Variants in XXYLT1 observed in about 807,000 individuals in gnomAD.
XXYLT1 encodes UDP-xylose:alpha-xyloside alpha-1,3-xylosyltransferase.
In XXYLT1, 20 loss-of-function variants were observed where a neutral mutation model predicts 28.9. That is an observed-to-expected ratio of 0.69 (90% confidence interval 0.49 to 1.00). XXYLT1 has a LOEUF of 1.00. Ranked by LOEUF, XXYLT1 falls within the 50% of genes least tolerant of loss-of-function variation. The probability of loss-of-function intolerance (pLI) is 0.00; values close to 1 mark genes in which losing one functional copy is unlikely to be tolerated. For synonymous variants in XXYLT1, 257 were observed against 253.8 expected (o/e 1.01, Z -0.12); for missense variants, 542 against 560.1 (o/e 0.97, Z 0.33).
intron 3 of XXYLT1, among the ~76,000 whole-genome samples, chr3:195,081,398 C>T (rs563337498): frequency 8.6e-4 from 131 of 152,332 alleles, no homozygotes; most frequent in African/African-American, 3.0e-3. Context: ...CGGGGACAGG[C>T]TTCCTGGAAG....
At chr3:195,110,194 G>GT in intron 3 of XXYLT1, among the ~76,000 whole-genome samples, 1 of 63,054 alleles carries the variant, frequency 1.6e-5, no homozygotes, top group Non-Finnish European at 4.0e-5. Flanking sequence ...GTGTGGGTGA[G>GT]GTGTATGTGT....
chr3:195,144,135 C>T (rs1387272050), intron 3 of XXYLT1, among the ~76,000 whole-genome samples: 3 of 149,928 alleles, frequency 2.0e-5, no homozygotes, highest in Admixed American at 6.7e-5. Flanking sequence ...CTTAAGTGAT[C>T]CACCTGCCTG....
chr3:195,074,085 A>AT (rs75662381), intron 3 of XXYLT1, among the ~76,000 whole-genome samples: 3,642 of 151,888 alleles, frequency 0.024, 131 homozygotes, highest in African/African-American at 0.083. Flanking sequence ...ACTCTTCGTG[A>AT]TTTTTTTTCT....
intron 3 of XXYLT1, chr3:195,087,312 T>C (rs1560086993): frequency 6.6e-6 from 1 of 152,334 alleles, no homozygotes; most frequent in Non-Finnish European, 1.5e-5. Context: ...ATGTGCTCCC[T>C]GGCTCCTCCT....
chr3:195,094,206 AAGAAAGCAAGCACCCG>A (rs1160395842), intron 3 of XXYLT1: 1 of 152,928 alleles, frequency 6.5e-6, no homozygotes, highest in Non-Finnish European at 1.5e-5. Flanking sequence ...CAAAGGAGAA[AAGAAAGCAAGCACCCG>A]ACACAGCCCA....
intron 3 of XXYLT1, among the ~76,000 whole-genome samples, chr3:195,107,076 C>G (rs1451164191): frequency 6.6e-6 from 1 of 152,192 alleles, no homozygotes; most frequent in Non-Finnish European, 1.5e-5. Flanking sequence ...CTGCCCTTTG[C>G]CTGGTGGAAT....
intron 1 of XXYLT1, among the ~76,000 whole-genome samples, chr3:195,235,629 C>A (rs976213580): frequency 6.6e-6 from 1 of 152,100 alleles, no homozygotes; most frequent in Non-Finnish European, 1.5e-5. Flanking sequence ...GTAGTCTTTG[C>A]AGTCTGGGTT....
At chr3:195,167,379 T>C (rs1721181325) in intron 2 of XXYLT1, among the ~76,000 whole-genome samples, 1 of 152,070 alleles carries the variant, frequency 6.6e-6, no homozygotes, top group East Asian at 1.9e-4. Context: ...TCACCTGAAG[T>C]TAGAAGTTCG....
At chr3:195,216,321 C>A (rs2108787377) in intron 2 of XXYLT1, among the ~76,000 whole-genome samples, 2 of 145,478 alleles carry the variant, frequency 1.4e-5, no homozygotes, top group South Asian at 4.5e-4. Flanking sequence ...CAGAGCAGAA[C>A]TGAAGGAAAT....
chr3:195,081,959 G>A (rs1715458727), intron 3 of XXYLT1, among the ~76,000 whole-genome samples: 1 of 152,194 alleles, frequency 6.6e-6, no homozygotes, highest in South Asian at 2.1e-4. Context: ...AGTCCTGAAA[G>A]CCTGCAGTTC....
At chr3:195,079,558 G>A (rs767014178) in intron 3 of XXYLT1, among the ~76,000 whole-genome samples, 2 of 152,166 alleles carry the variant, frequency 1.3e-5, no homozygotes, top group Non-Finnish European at 1.5e-5. Flanking sequence ...AAGCAAACAA[G>A]GTAGGTACTA....
intron 3 of XXYLT1, among the ~76,000 whole-genome samples, chr3:195,147,633 G>A (rs184285217): frequency 6.6e-6 from 1 of 152,310 alleles, no homozygotes; most frequent in African/African-American, 2.4e-5. Flanking sequence ...AAAACTGAAT[G>A]TGAAAGTAAC....
intron 2 of XXYLT1, among the ~76,000 whole-genome samples, chr3:195,190,836 G>T (rs1174730872): frequency 6.6e-6 from 1 of 151,972 alleles, no homozygotes; most frequent in Non-Finnish European, 1.5e-5. Flanking sequence ...GAAGTAAATG[G>T]TGATAAATTA....
intron 3 of XXYLT1, among the ~76,000 whole-genome samples, chr3:195,107,617 G>GAGCC: frequency 4.8e-5 from 1 of 20,846 alleles, no homozygotes; most frequent in Admixed American, 4.6e-4. Context: ...AAGGGGAGGA[G>GAGCC]GAGGGGGAGG....
chr3:195,234,102 A>T (rs1389909165), intron 1 of XXYLT1, among the ~76,000 whole-genome samples: 6 of 149,570 alleles, frequency 4.0e-5, no homozygotes, highest in African/African-American at 1.5e-4. Flanking sequence ...TTTTTTTAGT[A>T]GAGACGGGGT....
At chr3:195,229,757 A>G (rs1237571116) in intron 1 of XXYLT1, among the ~76,000 whole-genome samples, 1 of 152,214 alleles carries the variant, frequency 6.6e-6, no homozygotes, top group African/African-American at 2.4e-5. Context: ...TCCATTTTGT[A>G]TATGTACTGT....
chr3:195,121,805 C>T (rs183740464), intron 3 of XXYLT1, among the ~76,000 whole-genome samples: 1 of 152,342 alleles, frequency 6.6e-6, no homozygotes, highest in African/African-American at 2.4e-5. Context: ...GCCCTGTGAC[C>T]TGGGCAAGTG....
At chr3:195,218,700 C>G (rs1219465904) in intron 2 of XXYLT1, among the ~76,000 whole-genome samples, 1 of 151,364 alleles carries the variant, frequency 6.6e-6, no homozygotes, top group South Asian at 2.1e-4. Flanking sequence ...AATAGGAACA[C>G]TTTTACACTG....
At chr3:195,196,443 C>T (rs1722629296) in intron 2 of XXYLT1, among the ~76,000 whole-genome samples, 4 of 152,202 alleles carry the variant, frequency 2.6e-5, no homozygotes, top group South Asian at 4.1e-4. Context: ...CCAACAACCC[C>T]GACATGTACA....
Sources: gnomAD v4.1 joint callset for allele counts (sites outside exome capture counted in the v4.1 genomes callset) on GRCh38, gnomAD v4.1.1 for gene constraint, MANE v1.5 for transcripts, NCBI Gene and HGNC (gene_info 2026-07-23, HGNC 2026-07-21) for gene names.